CHD3: variants seen among roughly 807,000 people sequenced by gnomAD.
The protein encoded by CHD3 is chromodomain helicase DNA binding protein 3.
A neutral mutation model predicts 248.9 loss-of-function variants in CHD3; 52 were observed. That is an observed-to-expected ratio of 0.21 (90% confidence interval 0.17 to 0.26). CHD3 has a LOEUF of 0.26. Among genes scored for constraint, CHD3 ranks in the 10% least tolerant of loss-of-function variants. The probability of loss-of-function intolerance (pLI) is 1.00; values close to 1 mark genes in which losing one functional copy is unlikely to be tolerated. For synonymous variants in CHD3, 985 were observed against 985.2 expected, an observed-to-expected ratio of 1.00 and a Z score of 0.00; for missense variants, 1,482 against 2,605.8, an observed-to-expected ratio of 0.57 and a Z score of 9.39.
rs771669987 is a variant in CHD3, at chr17:7,894,241, C to T, written c.1051C>T (p.Arg351Trp). 25 of 1,613,952 alleles carry T rather than the reference C, an allele frequency of 1.5e-5. No homozygotes were observed. Among genetic ancestry groups the T allele is most frequent in the Non-Finnish European group, 2.0e-5 (24 of 1,180,008 alleles). The stretch of plus-strand genomic sequence containing the variant: ...CCGCACCAAGAAACTAAAGAGAGGC[C>T]GGCCAGGAAGGAAGAAGAAGAAGGG... ...PVRTKKLKRG[R>W]PGRKKKKVLG... Residue 351 changes from arginine (R) to tryptophan (W), a missense_variant, in exon 7 of 40, where the codon CGG becomes TGG. This residue lies in a region of CHD3 where 138 missense variants were observed against 241.1 expected (regional missense o/e 0.57). Transcript: ENST00000330494.
rs533445310 is a variant in CHD3, at chr17:7,907,773, A to T, written c.5026+71A>T. 1.5e-5 allele frequency: 23 copies of T among 1,504,878 alleles called. No homozygotes were observed. The South Asian group carries it at 2.7e-4, about 18-fold the overall frequency. The allele number at this position is 1,504,878 out of a possible 1,614,324, so 93.2% of individuals were successfully genotyped here. A position where few individuals can be genotyped will look rare whatever the true frequency, so the allele number is the denominator to read the frequency against. The stretch of plus-strand genomic sequence containing the variant: ...GGGGAGGTGGAGTCTGGGGAACCGA[A>T]TGCTTGGGTCCTGGGCGGGTAGCTG... On this transcript the variant is annotated intron_variant, in intron 33 of 39. Coordinates refer to ENST00000330494, the MANE Select transcript of CHD3 (RefSeq NM_001005273.3). This position sits in a 1 kb window ranked among gnomAD's most constrained non-coding sequence, Gnocchi z 4.3.
Position 7,910,607 on chromosome 17 carries a change from C to A in CHD3, c.5754+16C>A, listed in dbSNP as rs1971529928. On this transcript the variant is annotated intron_variant, in intron 38 of 39. Transcript: ENST00000330494. The surrounding 1 kb of genome is among the most constrained non-coding windows in gnomAD (Gnocchi z 4.7). ...CCCCACACCGGTAACCCTCTTTCCC[C>A]CTAGCTCCAGTTTTCCCTGTTTGTG... The A allele has an allele frequency of 6.3e-7, 1 of 1,598,584 alleles. No homozygotes were observed. The highest frequency in any genetic ancestry group is 1.7e-5 in the Admixed American group (1 of 59,534).
At position 7,909,257 on chromosome 17, in the gene CHD3, G is replaced by A. The variant is rs1308816944; in HGVS notation, c.5509G>A (p.Glu1837Lys). 5 of 1,555,226 alleles carry A rather than the reference G, an allele frequency of 3.2e-6. No individual in the cohort carries two copies. Among genetic ancestry groups the A allele is most frequent in the South Asian group, 1.2e-5 (1 of 84,322 alleles). ...CCTCCACGCCCGCTTCGCCGAGGCC[G>A]AGTGCCTGGCCGAGAGCCACCAGCA... ...MALHARFAEA[E>K]CLAESHQHLS... Residue 1837 changes from glutamate to lysine, a missense_variant, in exon 37 of 40, where the codon GAG becomes AAG. Glu to Lys is a moderately conservative substitution (Grantham distance 56). Around this residue, in one of 20 missense-constraint regions of CHD3, gnomAD observed 83 missense variants for 181.0 expected, o/e 0.46. Transcript: ENST00000330494. The surrounding 1 kb of genome is among the most constrained non-coding windows in gnomAD (Gnocchi z 8.1).
chr17:7,889,649 C>G lies in CHD3; in HGVS notation c.101-15C>G, dbSNP rs781153088. ...ACCTAGAGGCTTAGGTTTTCTGATG[C>G]TTTTTGCTTCAAAGATAAGGATGAC... On this transcript the variant is annotated splice_polypyrimidine_tract_variant and intron_variant, in intron 1 of 39. Coordinates refer to ENST00000330494, the MANE Select transcript of CHD3 (RefSeq NM_001005273.3). This position sits in a 1 kb window ranked among gnomAD's most constrained non-coding sequence, Gnocchi z 4.5. The G allele has an allele frequency of 5.0e-6, 8 of 1,603,906 alleles. No individual in the cohort carries two copies. The East Asian group carries it at 1.3e-4, about 27-fold the overall frequency.
intron 10 of CHD3, among the ~76,000 whole-genome samples, chr17:7,896,509 G>A (rs1181046925): frequency 2.0e-5 from 3 of 150,988 alleles, no homozygotes; most frequent in African/African-American, 4.9e-5. Context: ...GGGTTCAAGC[G>A]ATTCTCCTGC....
Position 7,903,113 on chromosome 17 carries a change from T to C in CHD3, c.3495+52T>C. The C allele has an allele frequency of 6.3e-7, 1 of 1,595,746 alleles. No individual in the cohort carries two copies. The highest frequency in any genetic ancestry group is 8.6e-7 in the Non-Finnish European group (1 of 1,167,144). ...GCACCATTTAGCAAGGAGATGTGGG[T>C]TCATGGAGGAGGGTGTCATGTTCCG... On this transcript the variant is annotated intron_variant, in intron 22 of 39. Coordinates refer to ENST00000330494, the MANE Select transcript of CHD3 (RefSeq NM_001005273.3). This position sits in a 1 kb window ranked among gnomAD's most constrained non-coding sequence, Gnocchi z 6.8.
intron 7 of CHD3, 43 bp from the exon 8 acceptor site, chr17:7,894,372 C>G (rs934823393): frequency 3.5e-5 from 55 of 1,592,736 alleles, no homozygotes; most frequent in Non-Finnish European, 4.6e-5. Context: ...TCTCCATCTC[C>G]CCCTGCCCTG....
chr17:7,905,604 G>A lies in CHD3; in HGVS notation c.4139-17G>A, dbSNP rs947333966. 2 of 1,563,148 alleles carry A rather than the reference G, an allele frequency of 1.3e-6. No individual in the cohort carries two copies. The highest frequency in any genetic ancestry group is 1.7e-6 in the Non-Finnish European group (2 of 1,151,936). On this transcript the variant is annotated splice_polypyrimidine_tract_variant and intron_variant, in intron 26 of 39. Coordinates refer to ENST00000330494, the MANE Select transcript of CHD3 (RefSeq NM_001005273.3). The surrounding 1 kb of genome is among the most constrained non-coding windows in gnomAD (Gnocchi z 5.8). ...GGAGGTGGTGGCTCAGCTAACTGAT[G>A]TCATCCCCACCCTCAGGGCGTAGAC...
rs768274490 is a variant in CHD3 at position 7,910,985 on chromosome 17, T to G, written c.5881+12T>G. ...GTCCTTCATCACAGGTCAGCTGGTGTTTTCCTACCCCCTGCTACTCACACT... is the reference window on the plus strand; with the variant it reads ...GTCCTTCATCACAGGTCAGCTGGTGGTTTCCTACCCCCTGCTACTCACACT... On this transcript the variant is annotated intron_variant, in intron 39 of 39. Transcript: ENST00000330494. The surrounding 1 kb of genome is among the most constrained non-coding windows in gnomAD (Gnocchi z 4.7). 1 of 1,611,766 alleles carries G rather than the reference T, an allele frequency of 6.2e-7. No homozygotes were observed. Among genetic ancestry groups the G allele is most frequent in the South Asian group, 1.1e-5 (1 of 90,766 alleles).
At chr17:7,902,501 G>A in intron 20 of CHD3, 109 bp from the exon 21 acceptor site, 1 of 629,962 alleles carries the variant, frequency 1.6e-6, no homozygotes, top group South Asian at 2.2e-5. Context: ...AGACAGGGCA[G>A]GGGTTCAGGT....
Position 7,894,601 on chromosome 17 carries a change from C to T in CHD3, c.1262C>T (p.Pro421Leu), listed in dbSNP as rs1425412250. The T allele has an allele frequency of 1.9e-6, 3 of 1,612,562 alleles. No individual in the cohort carries two copies. The highest frequency in any genetic ancestry group is 2.2e-5 in the East Asian group (1 of 44,862). The change falls in exon 8 of 40, where the codon CCT becomes CTT. Residue 421 changes from proline to leucine, a missense_variant. Pro to Leu is a moderately conservative substitution (Grantham distance 98, BLOSUM62 -3). Around this residue, in one of 20 missense-constraint regions of CHD3, gnomAD observed 138 missense variants for 241.1 expected, o/e 0.57. Transcript: ENST00000330494. ...DRAPEGKWSCPHCEKEGVQWE... is the reference protein window; with the variant it reads ...DRAPEGKWSCLHCEKEGVQWE... ...GCTCCAGAGGGCAAATGGAGCTGCC[C>T]TCACTGTGTGAGTACCTAATGCCAG...
Position 7,906,542 on chromosome 17 carries a change from A to G in CHD3, c.4359-11A>G, listed in dbSNP as rs1220831084. ...CTCCCCTAACCCTCCTCCCACTCCC[A>G]TGCTCCTTAGGGCCTATGTGTCTTT... On this transcript the variant is annotated splice_polypyrimidine_tract_variant and intron_variant, in intron 28 of 39. Coordinates refer to ENST00000330494, the MANE Select transcript of CHD3 (RefSeq NM_001005273.3). The surrounding 1 kb of genome is among the most constrained non-coding windows in gnomAD (Gnocchi z 5.0). 6.2e-7 allele frequency: 1 copy of G among 1,613,198 alleles called. No individual in the cohort carries two copies. Among genetic ancestry groups the G allele is most frequent in the Non-Finnish European group, 8.5e-7 (1 of 1,179,820 alleles).
At chr17:7,888,701 T>C, upstream of CHD3, 1 of 611,382 alleles carries the variant, frequency 1.6e-6, no homozygotes, top group Non-Finnish European at 2.3e-6. Context: ...TCTGGATTTG[T>C]GGGCCTGAGA....
At chr17:7,893,031 T>C (rs773794684) in intron 4 of CHD3, among the ~76,000 whole-genome samples, 1 of 152,138 alleles carries the variant, frequency 6.6e-6, no homozygotes, top group South Asian at 2.1e-4. Flanking sequence ...ATCCTCCTGC[T>C]TCAGCCTGGA....
chr17:7,907,740 G>A lies in CHD3; in HGVS notation c.5026+38G>A, dbSNP rs201582788. 3,507 of 1,510,764 alleles carry A rather than the reference G, an allele frequency of 2.3e-3. 7 individuals carry two copies. Among genetic ancestry groups the A allele is most frequent in the Non-Finnish European group, 2.8e-3 (3,182 of 1,131,750 alleles). 93.6% of individuals were successfully genotyped at this position (1,510,764 alleles called of 1,614,324 possible). Reference sequence around the variant, plus strand: ...AGGGACCGGACACCTGGGTCCCAGAGGGCATCAGGGGAGGTGGAGTCTGGG... The same window carrying A: ...AGGGACCGGACACCTGGGTCCCAGAAGGCATCAGGGGAGGTGGAGTCTGGG... On this transcript the variant is annotated intron_variant, in intron 33 of 39. Coordinates refer to ENST00000330494, the MANE Select transcript of CHD3 (RefSeq NM_001005273.3). The surrounding 1 kb of genome is among the most constrained non-coding windows in gnomAD (Gnocchi z 4.3).
Position 7,899,483 on chromosome 17 carries a change from GAATGAATTCTCCTTTGAGGAC to G in CHD3, c.2489_2509del (p.Glu830_Asn836del). 6.2e-7 allele frequency: 1 copy of G among 1,614,170 alleles called. No individual in the cohort carries two copies. Among genetic ancestry groups the G allele is most frequent in the Non-Finnish European group, 8.5e-7 (1 of 1,180,036 alleles). ...AGGACAGCCGGGCCATCATTCGTGA[GAATGAATTCTCCTTTGAGGAC>G]AATGCCATCAAAGGGGGCAAGAAAG... On this transcript the variant is annotated inframe_deletion, in exon 15 of 40. Transcript: ENST00000330494. The surrounding 1 kb of genome is among the most constrained non-coding windows in gnomAD (Gnocchi z 6.8).
Position 7,907,666 on chromosome 17 carries a change from A to G in CHD3, c.4990A>G (p.Arg1664Gly). 1 of 1,535,084 alleles carries G rather than the reference A, an allele frequency of 6.5e-7. No homozygotes were observed. The highest frequency in any genetic ancestry group is 8.7e-7 in the Non-Finnish European group (1 of 1,148,174). ...KPLDGQEHRE[R>G]PEGETGDLGK... ...GTTGGATGGACAGGAACACAGGGAG[A>G]GGCCGGAGGGGGAAACAGGGGATTT... The change falls in exon 33 of 40, where the codon AGG becomes GGG. Residue 1664 changes from arginine (R) to glycine (G), a missense_variant. Coordinates refer to ENST00000330494, the MANE Select transcript of CHD3 (RefSeq NM_001005273.3). This position sits in a 1 kb window ranked among gnomAD's most constrained non-coding sequence, Gnocchi z 4.3.
rs762170434 is a variant in CHD3 at position 7,907,570 on chromosome 17, C to T, written c.4925-31C>T. On this transcript the variant is annotated intron_variant, in intron 32 of 39. Coordinates refer to ENST00000330494, the MANE Select transcript of CHD3 (RefSeq NM_001005273.3). This position sits in a 1 kb window ranked among gnomAD's most constrained non-coding sequence, Gnocchi z 4.3. ...GGGGTCAGGGGATGAGGGTAACATC[C>T]TCCCTTCCTATCCCCTACCCCCTCC... The T allele has an allele frequency of 2.2e-5, 34 of 1,517,560 alleles. No homozygotes were observed. The Admixed American group carries it at 7.6e-4, about 34-fold the overall frequency. 94.0% of individuals were successfully genotyped at this position (1,517,560 alleles called of 1,614,324 possible).
Position 7,900,006 on chromosome 17 carries a change from C to T in CHD3, c.2655C>T (p.Ala885=). The change falls in exon 16 of 40, where the codon GCC becomes GCT. Residue 885 remains alanine, a synonymous_variant. Transcript: ENST00000330494. This position sits in a 1 kb window ranked among gnomAD's most constrained non-coding sequence, Gnocchi z 6.5. The part of the protein sequence containing the change: ...IRWACLVVDE[A]HRLKNNQSKF... ...GGGCCTGTCTTGTGGTAGATGAGGC[C>T]CATCGACTCAAGAACAACCAGTCCA... The T allele has an allele frequency of 1.2e-6, 2 of 1,613,176 alleles. No homozygotes were observed. Among genetic ancestry groups the T allele is most frequent in the South Asian group, 1.1e-5 (1 of 91,056 alleles).
Sources: allele counts gnomAD v4.1 joint callset (sites outside exome capture counted in the v4.1 genomes callset), GRCh38; gene constraint gnomAD v4.1.1; regional missense constraint gnomAD v4.1.1; non-coding constraint Gnocchi (gnomAD v3.1); transcripts MANE v1.5; gene names NCBI Gene and HGNC (gene_info 2026-07-23, HGNC 2026-07-21).